Variants in PLEKHD1 observed in about 807,000 individuals in gnomAD.
PLEKHD1 encodes pleckstrin homology domain-containing family D member 1.
A neutral mutation model predicts 69.2 loss-of-function variants in PLEKHD1; 51 were observed. The ratio of observed to expected loss-of-function variants is 0.74; its 90% CI spans 0.59 to 0.93. PLEKHD1 has a LOEUF of 0.93. Among genes scored for constraint, PLEKHD1 ranks in the 40% least tolerant of loss-of-function variants. The pLI, the probability that PLEKHD1 is intolerant of heterozygous loss-of-function variation, is 0.00. For synonymous variants in PLEKHD1, 236 were observed against 244.7 expected (o/e 0.96, Z 0.33); for missense variants, 584 against 641.0 (o/e 0.91, Z 0.96).
chr14:69,473,741 G>C, the PLEKHD1 span, among the ~76,000 whole-genome samples: 1 of 152,200 alleles, frequency 6.6e-6, no homozygotes, highest in African/African-American at 2.4e-5. Context: ...TCAGAGGAGG[G>C]AGCCCAGTGG....
At chr14:69,479,510 A>C in the PLEKHD1 span, among the ~76,000 whole-genome samples, 1 of 152,262 alleles carries the variant, frequency 6.6e-6, no homozygotes, top group South Asian at 2.1e-4. Context: ...AGTCCTAGTG[A>C]GAAAGGTGAA....
At chr14:69,502,785 C>G (rs1432715360) in intron 5 of PLEKHD1, 42 bp from the exon 6 acceptor site, 1 of 1,550,602 alleles carries the variant, frequency 6.4e-7, no homozygotes. Context: ...GAGCACTTTC[C>G]TGATTGTGTG....
In PLEKHD1 at chr14:69,511,019, T is replaced by C. The variant is rs141728940; in HGVS notation, c.555+8140T>C. On this transcript the variant is annotated intron_variant, in intron 6 of 12. Transcript: ENST00000322564. ...TCCATGTGATTCTTTTTCTCTTCTT[T>C]AGCCTGTTGATGTGATGGATTATAT... Among the ~76,000 whole-genome samples, 75 of 152,374 alleles carry C rather than the reference T, an allele frequency of 4.9e-4. 2 individuals are homozygous for C. The East Asian group carries it at 0.012, about 23-fold the overall frequency.
the PLEKHD1 span, among the ~76,000 whole-genome samples, chr14:69,475,495 T>A: frequency 6.6e-6 from 1 of 152,048 alleles, no homozygotes; most frequent in Admixed American, 6.5e-5. Flanking sequence ...ATTGGCAACA[T>A]TGGGTGTGAG....
At chr14:69,494,667 C>T (rs1407260790) in intron 1 of PLEKHD1, among the ~76,000 whole-genome samples, 1 of 152,220 alleles carries the variant, frequency 6.6e-6, no homozygotes, top group Non-Finnish European at 1.5e-5. Flanking sequence ...CGTCTCTAGC[C>T]AGACCAACTG....
chr14:69,482,001 G>C (rs115939927), upstream of PLEKHD1, among the ~76,000 whole-genome samples: 1,632 of 152,300 alleles, frequency 0.011, 31 homozygotes, highest in African/African-American at 0.036. Context: ...TCCCAAGGCT[G>C]ACCTGGTGCA....
intron 6 of PLEKHD1, among the ~76,000 whole-genome samples, chr14:69,518,542 ATTAAT>A (rs1430836414): frequency 6.6e-6 from 1 of 152,238 alleles, no homozygotes; most frequent in African/African-American, 2.4e-5. Context: ...GAGCTCGTAA[ATTAAT>A]TTGAAAGAAT....
At chr14:69,474,895 A>C in the PLEKHD1 span, among the ~76,000 whole-genome samples, 5 of 152,018 alleles carry the variant, frequency 3.3e-5, no homozygotes, top group African/African-American at 1.2e-4. Flanking sequence ...TCGTTCTGTC[A>C]TCCAGGCTGG....
intron 6 of PLEKHD1, 91 bp from the exon 7 acceptor site, chr14:69,522,192 C>A: frequency 4.9e-6 from 6 of 1,227,638 alleles, no homozygotes; most frequent in Non-Finnish European, 6.9e-6. Context: ...TGTGCTAAAT[C>A]CCAGAGGGTC....
At chr14:69,484,653 G>A, upstream of PLEKHD1, 1 of 270,004 alleles carries the variant, frequency 3.7e-6, no homozygotes, top group Non-Finnish European at 7.0e-6. Flanking sequence ...AATTGGGGCT[G>A]TCGCCGGGGG....
intron 1 of PLEKHD1, among the ~76,000 whole-genome samples, chr14:69,489,354 T>C (rs1458870571): frequency 6.6e-6 from 1 of 151,408 alleles, no homozygotes; most frequent in East Asian, 1.9e-4. Flanking sequence ...AGGTCAGGAG[T>C]TGGAGACCAG....
chr14:69,502,025 G>T (rs961069985), intron 5 of PLEKHD1, 200 bp downstream of exon 5: 2 of 492,508 alleles, frequency 4.1e-6, no homozygotes, highest in Admixed American at 3.6e-5. Context: ...AGGAGCGTCT[G>T]ATGGTTAAGA....
intron 1 of PLEKHD1, among the ~76,000 whole-genome samples, chr14:69,493,531 G>A (rs1882822579): frequency 6.6e-6 from 1 of 152,332 alleles, no homozygotes; most frequent in Admixed American, 6.5e-5. Context: ...ATTCTGAGTT[G>A]TGTGATCTGG....
chr14:69,502,710 C>G (rs911479483), intron 5 of PLEKHD1, 117 bp from the exon 6 acceptor site: 3 of 1,344,266 alleles, frequency 2.2e-6, no homozygotes, highest in Middle Eastern at 1.9e-4. Flanking sequence ...GGCTGCAGGC[C>G]CCTTCCTTGG....
intron 1 of PLEKHD1, among the ~76,000 whole-genome samples, chr14:69,489,569 A>AAG (rs1403991913): frequency 1.3e-5 from 2 of 148,206 alleles, no homozygotes; most frequent in Non-Finnish European, 3.0e-5. Flanking sequence ...AAAAAAAAAA[A>AAG]AAAAAAAAAA....
intron 6 of PLEKHD1, among the ~76,000 whole-genome samples, chr14:69,503,938 T>C (rs1398657021): frequency 1.3e-5 from 2 of 149,504 alleles, no homozygotes; most frequent in African/African-American, 2.5e-5. Context: ...CATTACCACA[T>C]ATTAAGGGCA....
At chr14:69,510,201 C>T (rs980403186) in intron 6 of PLEKHD1, among the ~76,000 whole-genome samples, 1 of 152,106 alleles carries the variant, frequency 6.6e-6, no homozygotes, top group Admixed American at 6.5e-5. Flanking sequence ...TCCATGTAAA[C>T]TTTAGAATCA....
intron 6 of PLEKHD1, among the ~76,000 whole-genome samples, chr14:69,519,889 C>T (rs935402586): frequency 6.6e-6 from 1 of 152,056 alleles, no homozygotes; most frequent in Non-Finnish European, 1.5e-5. Context: ...TGGCCGCGCA[C>T]GGTGGCTCAC....
At chr14:69,514,203 T>C (rs1007235133) in intron 6 of PLEKHD1, among the ~76,000 whole-genome samples, 3 of 152,092 alleles carry the variant, frequency 2.0e-5, no homozygotes, top group Non-Finnish European at 4.4e-5. Flanking sequence ...TCATTATACA[T>C]TTTGCACCTT....
Sources: allele counts gnomAD v4.1 joint callset (sites outside exome capture counted in the v4.1 genomes callset), GRCh38; gene constraint gnomAD v4.1.1; transcripts MANE v1.5; gene names NCBI Gene and HGNC (gene_info 2026-07-23, HGNC 2026-07-21).